CES1: variants seen among roughly 807,000 people sequenced by gnomAD.
The protein encoded by CES1 is carboxylesterase 1, also known as liver carboxylesterase 1.
Under a neutral mutation model 53.0 loss-of-function variants are expected in CES1, and 50 were observed. The ratio of observed to expected loss-of-function variants is 0.94; its 90% confidence interval spans 0.75 to 1.19. The LOEUF (loss-of-function observed/expected upper bound fraction) is 1.19. Among genes scored for constraint, CES1 ranks in the 50% most tolerant of loss-of-function variants. CES1 has a pLI of 0.00. For synonymous variants in CES1, 202 were observed against 210.1 expected, an observed-to-expected ratio of 0.96 and a Z score of 0.33; for missense variants, 534 against 538.0, an observed-to-expected ratio of 0.99 and a Z score of 0.07.
At chr16:55,824,992 A>G (rs1317082571) in intron 3 of CES1, among the ~76,000 whole-genome samples, 1 of 152,060 alleles carries the variant, frequency 6.6e-6, no homozygotes, top group African/African-American at 2.4e-5. Context: ...GTGTGCATTC[A>G]TCTTTGTGTG....
intron 7 of CES1, among the ~76,000 whole-genome samples, 164 bp downstream of exon 7, chr16:55,819,371 A>G (rs2032076332): frequency 6.6e-6 from 1 of 152,188 alleles, no homozygotes; most frequent in African/African-American, 2.4e-5. Flanking sequence ...CTTTTTTTAC[A>G]TTTGTGGCAT....
rs539112985 is a variant in CES1, at chr16:55,819,459, G to T, written c.906+76C>A. On this transcript the variant is annotated intron_variant, in intron 7 of 13. Transcript: ENST00000360526. ...GAAATTGTCCCAGGAAACTGTCCCTGGGCAAGAGGACAGCTGAAATGAAGA... is the reference window on the plus strand; with the variant it reads ...GAAATTGTCCCAGGAAACTGTCCCTTGGCAAGAGGACAGCTGAAATGAAGA... 20 of 1,071,622 alleles carry T rather than the reference G, an allele frequency of 1.9e-5. 1 individual carries two copies. The South Asian group carries it at 2.4e-4, about 13-fold the overall frequency. The allele number at this position is 1,071,622 out of a possible 1,614,324, so 66.4% of individuals were successfully genotyped here.
intron 5 of CES1, among the ~76,000 whole-genome samples, chr16:55,821,030 G>A (rs192164596): frequency 1.6e-4 from 24 of 151,986 alleles, no homozygotes; most frequent in African/African-American, 5.1e-4. Context: ...CCAAGAGAAG[G>A]GATGTGAGTC....
chr16:55,819,426 A>G, intron 7 of CES1, 109 bp downstream of exon 7: 1 of 821,106 alleles, frequency 1.2e-6, no homozygotes, highest in Admixed American at 1.7e-5. Context: ...TCAGATACTG[A>G]GAGTTGAGAA....
intron 4 of CES1, 145 bp downstream of exon 4, chr16:55,823,405 G>A (rs1209588495): frequency 2.2e-6 from 2 of 915,932 alleles, no homozygotes; most frequent in South Asian, 2.9e-5. Flanking sequence ...TAGTGAGAGG[G>A]TAGGTAGTGT....
At chr16:55,811,083 C>A in intron 9 of CES1, 73 bp from the exon 10 acceptor site, 1 of 1,251,796 alleles carries the variant, frequency 8.0e-7, no homozygotes, top group South Asian at 1.2e-5. Context: ...GACCAACCAA[C>A]CAAACCAATG....
chr16:55,825,275 A>T (rs1404027090), intron 3 of CES1, among the ~76,000 whole-genome samples: 2 of 152,194 alleles, frequency 1.3e-5, no homozygotes, highest in African/African-American at 4.8e-5. Context: ...TTCTAGTTCC[A>T]CGTTCGCAGA....
In CES1 at chr16:55,827,543, C is replaced by T. The variant is rs62028645; in HGVS notation, c.260+1224G>A. Among the ~76,000 whole-genome samples the T allele has an allele frequency of 1.4e-3, 207 of 152,102 alleles. 1 individual carries two copies. Among genetic ancestry groups the T allele is most frequent in the Non-Finnish European group, 2.4e-3 (165 of 67,998 alleles). On this transcript the variant is annotated intron_variant, in intron 2 of 13. Coordinates refer to ENST00000360526, the MANE Select transcript of CES1 (RefSeq NM_001025195.2). Reference sequence around the variant, plus strand: ...GGAAATCAAACAAGAAATATATACTCTTTGACTCAGAAATGTCATTTCTGA... The same window carrying T: ...GGAAATCAAACAAGAAATATATACTTTTTGACTCAGAAATGTCATTTCTGA...
intron 7 of CES1, among the ~76,000 whole-genome samples, chr16:55,818,194 T>G (rs1288626007): frequency 6.6e-6 from 1 of 152,202 alleles, no homozygotes; most frequent in African/African-American, 2.4e-5. Flanking sequence ...AGGGAATAGT[T>G]CCCAATGGCC....
chr16:55,810,154 C>A (rs1326576627), intron 11 of CES1, among the ~76,000 whole-genome samples: 4 of 152,140 alleles, frequency 2.6e-5, no homozygotes, highest in Admixed American at 6.5e-5. Context: ...TGGGATGCCC[C>A]TGAGCCCTGT....
intron 7 of CES1, among the ~76,000 whole-genome samples, chr16:55,818,554 G>C (rs2032045503): frequency 6.6e-6 from 1 of 152,028 alleles, no homozygotes. Context: ...CTCAAATCTG[G>C]CTCCTCCGCC....
chr16:55,809,093 CA>C lies in CES1; in HGVS notation c.1318+1423del, dbSNP rs376932562. 3.6e-3 allele frequency among the ~76,000 whole-genome samples: 260 copies of C among 72,038 alleles called. 2 individuals are homozygous for C. Among genetic ancestry groups the C allele is most frequent in the Middle Eastern group, 0.019 (2 of 104 alleles). 47.3% of individuals were successfully genotyped at this position (72,038 alleles called of 152,430 possible). A position where few individuals can be genotyped will look rare whatever the true frequency, so the allele number is the denominator to read the frequency against. ...GTAGATAAAATCTGTGTAGTCCTGG[CA>C]AAAAAAAAAAAAAAAAAGCCCTGAA... On this transcript the variant is annotated intron_variant, in intron 11 of 13. Transcript: ENST00000360526.
Position 55,810,638 on chromosome 16 carries a change from T to C in CES1, c.1197A>G (p.Glu399=), listed in dbSNP as rs762836042. 9.3e-6 allele frequency: 15 copies of C among 1,614,086 alleles called. No individual in the cohort carries two copies. Among genetic ancestry groups the C allele is most frequent in the Non-Finnish European group, 1.3e-5 (15 of 1,180,042 alleles). ...TTCCTCCTAAGTATTTCTCAGTGGC[T>C]TCTGGAATCAGTTCCTTAGCAATGC... ...LVCIAKELIP[E]ATEKYLGGTD... Residue 399 remains glutamate (E), a synonymous_variant, in exon 11 of 14, where the codon GAA becomes GAG. Transcript: ENST00000360526.
chr16:55,830,312 C>T (rs2032586635), intron 1 of CES1, among the ~76,000 whole-genome samples: 2 of 152,140 alleles, frequency 1.3e-5, no homozygotes, highest in African/African-American at 4.8e-5. Flanking sequence ...GATGAACTTC[C>T]TTGGAAGCAT....
intron 2 of CES1, among the ~76,000 whole-genome samples, chr16:55,827,393 GTTA>G (rs1465621440): frequency 1.3e-5 from 2 of 151,548 alleles, no homozygotes; most frequent in Non-Finnish European, 2.9e-5. Context: ...TGCTGGTATT[GTTA>G]TTATTATTTT....
intron 2 of CES1, chr16:55,828,310 C>G (rs2032495823): frequency 1.3e-5 from 4 of 308,992 alleles, no homozygotes; most frequent in South Asian, 1.2e-4. Flanking sequence ...TTGCCACCCA[C>G]ACACCTCCTG....
chr16:55,828,223 A>G (rs111924218), intron 2 of CES1: 2 of 201,868 alleles, frequency 9.9e-6, no homozygotes, highest in Non-Finnish European at 2.1e-5. Context: ...GGGTGAATGG[A>G]CACACCTTCC....
At chr16:55,825,527 A>T (rs1387431029) in intron 3 of CES1, among the ~76,000 whole-genome samples, 1 of 152,256 alleles carries the variant, frequency 6.6e-6, no homozygotes, top group Non-Finnish European at 1.5e-5. Context: ...AAGAAATCCC[A>T]GCTATTTGGC....
In CES1 at chr16:55,812,160, C is replaced by A. The variant is rs377226927; in HGVS notation, c.1086+743G>T. On this transcript the variant is annotated intron_variant, in intron 9 of 13. Coordinates refer to ENST00000360526, the MANE Select transcript of CES1 (RefSeq NM_001025195.2). ...AATAAATCTGTCCTACTGCTTTAAC[C>A]AGGGTCAGTTTTGTTTATCTTCAAC... Among the ~76,000 whole-genome samples, 474 of 152,344 alleles carry A rather than the reference C, an allele frequency of 3.1e-3. 6 individuals are homozygous for A. The highest frequency in any genetic ancestry group is 0.011 in the African/African-American group (443 of 41,562).
Sources: gnomAD v4.1 joint callset for allele counts (sites outside exome capture counted in the v4.1 genomes callset) on GRCh38, gnomAD v4.1.1 for gene constraint, MANE v1.5 for transcripts, NCBI Gene and HGNC (gene_info 2026-07-23, HGNC 2026-07-21) for gene names.